Variants in NDUFAF6 observed in about 807,000 individuals in gnomAD.
NDUFAF6 encodes NADH:ubiquinone oxidoreductase complex assembly factor 6, also known as NADH dehydrogenase (ubiquinone) complex I, assembly factor 6.
NDUFAF6 carries 45 observed loss-of-function variants against 40.8 expected under a neutral mutation model. The observed-to-expected ratio is 1.10, with a 90% CI of 0.87 to 1.42. The LOEUF (loss-of-function observed/expected upper bound fraction) is 1.42, where lower values mean the gene tolerates loss of function less well. Ranked by LOEUF, NDUFAF6 falls within the 40% of genes most tolerant of loss-of-function variation. The pLI, the probability that NDUFAF6 is intolerant of heterozygous loss-of-function variation, is 0.00. For synonymous variants in NDUFAF6, 185 were observed against 155.9 expected (o/e 1.19, Z -1.39); for missense variants, 435 against 418.5 (o/e 1.04, Z -0.34).
At chr8:94,937,393 A>G (rs990939367) in intron 1 of NDUFAF6, among the ~76,000 whole-genome samples, 2 of 150,346 alleles carry the variant, frequency 1.3e-5, no homozygotes, top group African/African-American at 4.9e-5. Context: ...CTGAGCCAAG[A>G]TCCTGCCACT....
At chr8:94,941,612 A>G (rs1821542277) in intron 1 of NDUFAF6, among the ~76,000 whole-genome samples, 1 of 152,204 alleles carries the variant, frequency 6.6e-6, no homozygotes, top group African/African-American at 2.4e-5. Flanking sequence ...CTTCTAAACA[A>G]TTCCTACAGC....
At chr8:94,960,913 C>T (rs1475113244) in intron 1 of NDUFAF6, among the ~76,000 whole-genome samples, 1 of 152,232 alleles carries the variant, frequency 6.6e-6, no homozygotes, top group Admixed American at 6.5e-5. Flanking sequence ...AACACGTCAG[C>T]TACATAAACT....
chr8:94,931,323 CTT>C (rs958726409), intron 1 of NDUFAF6, among the ~76,000 whole-genome samples: 8 of 152,260 alleles, frequency 5.3e-5, no homozygotes, highest in Non-Finnish European at 7.4e-5. Context: ...GAATAAATCT[CTT>C]AAGTTTTTCT....
In NDUFAF6 at chr8:95,081,695, A is replaced by G. The variant is rs547329531; in HGVS notation, n.213+5943A>G. ...ACTACATTTCAGTGAGAGTCTAGTA[A>G]AAAGAAAAGCATAATGTTTTTCCCA... On this transcript the variant is annotated intron_variant and non_coding_transcript_variant, in intron 2 of 5. Coordinates refer to the NDUFAF6 transcript ENST00000523184. Among the ~76,000 whole-genome samples, 202 of 152,362 alleles carry G rather than the reference A, an allele frequency of 1.3e-3. No homozygotes were observed. The Middle Eastern group carries it at 0.031, about 23-fold the overall frequency.
At chr8:95,060,311 G>A (rs914502493), downstream of NDUFAF6, among the ~76,000 whole-genome samples, 2 of 152,160 alleles carry the variant, frequency 1.3e-5, no homozygotes, top group African/African-American at 4.8e-5. Flanking sequence ...TATTTTAAAG[G>A]AGTCAGATAC....
chr8:94,925,549 CT>C lies in NDUFAF6; in HGVS notation c.-935-19915del, dbSNP rs1287916481. ...CCTCATTTTAGGTTAAAAAGAAATCCTTTTTTTTTTTTTTTTTTTGAGACAG... is the reference window on the plus strand; with the variant it reads ...CCTCATTTTAGGTTAAAAAGAAATCCTTTTTTTTTTTTTTTTTTGAGACAG... On this transcript the variant is annotated intron_variant, in intron 1 of 14. Transcript: ENST00000396113. 6.5e-3 allele frequency among the ~76,000 whole-genome samples: 877 copies of C among 135,386 alleles called. 7 individuals are homozygous for C. The highest frequency in any genetic ancestry group is 0.046 in the East Asian group (222 of 4,868). The allele number at this position is 135,386 out of a possible 152,430, so 88.8% of individuals were successfully genotyped here.
chr8:94,948,627 G>C (rs896853), intron 2 of NDUFAF6, among the ~76,000 whole-genome samples: 75,009 of 151,988 alleles, frequency 0.49, 19,079 homozygotes, highest in East Asian at 0.72. Flanking sequence ...ATCGCAGGGC[G>C]GGGACAGAGC....
In NDUFAF6 at chr8:95,089,261, T is replaced by C. The variant is rs2132061600; in HGVS notation, n.214-11871T>C. Among the ~76,000 whole-genome samples, 3 of 152,114 alleles carry C rather than the reference T, an allele frequency of 2.0e-5. 1 individual carries two copies. The highest frequency in any genetic ancestry group is 3.4e-3 in the Middle Eastern group (1 of 294). ...TTTTTGTGGAGAAGGGGTTTCGCCA[T>C]GTTGCCCAGGCTGGTCTTGAACTCA... On this transcript the variant is annotated intron_variant and non_coding_transcript_variant, in intron 2 of 5. Transcript: ENST00000523184.
At chr8:94,912,077 A>C (rs1236210455) in intron 1 of NDUFAF6, among the ~76,000 whole-genome samples, 36 of 152,236 alleles carry the variant, frequency 2.4e-4, no homozygotes, top group Non-Finnish European at 1.5e-5. Context: ...GATATGATTA[A>C]ACTCCCTCAG....
chr8:94,945,534 G>A (rs1821909621), exon 2 of NDUFAF6: 1 of 152,152 alleles, frequency 6.6e-6, no homozygotes, highest in South Asian at 2.1e-4. Context: ...ATGACCCAGA[G>A]ACTGTCCCTG....
intron 1 of NDUFAF6, among the ~76,000 whole-genome samples, chr8:94,899,803 T>C (rs757421592): frequency 9.2e-5 from 14 of 152,348 alleles, no homozygotes; most frequent in Admixed American, 2.6e-4. Context: ...TTCCAACCTG[T>C]TGCCAAACTG....
At chr8:95,016,300 T>G (rs1298121690) in intron 2 of NDUFAF6, among the ~76,000 whole-genome samples, 1 of 152,222 alleles carries the variant, frequency 6.6e-6, no homozygotes, top group African/African-American at 2.4e-5. Flanking sequence ...CTGCATGGTA[T>G]GAAAAAGAGG....
intron 1 of NDUFAF6, among the ~76,000 whole-genome samples, chr8:94,914,500 G>A (rs186290379): frequency 1.3e-5 from 2 of 152,296 alleles, no homozygotes; most frequent in East Asian, 3.9e-4. Context: ...GCCAACAATA[G>A]TGGCACACCC....
intron 2 of NDUFAF6, among the ~76,000 whole-genome samples, chr8:94,999,717 C>T (rs929083763): frequency 3.3e-5 from 5 of 152,132 alleles, no homozygotes; most frequent in Middle Eastern, 3.2e-3. Flanking sequence ...ACACCGGGCC[C>T]ATTCTATTTA....
intron 2 of NDUFAF6, among the ~76,000 whole-genome samples, chr8:94,946,862 G>A (rs1822063510): frequency 6.6e-6 from 1 of 152,106 alleles, no homozygotes; most frequent in East Asian, 1.9e-4. Context: ...CAGTGCCAGT[G>A]TAAGGATTAA....
At chr8:94,985,243 T>C (rs767255183) in intron 2 of NDUFAF6, among the ~76,000 whole-genome samples, 2 of 151,514 alleles carry the variant, frequency 1.3e-5, no homozygotes, top group Non-Finnish European at 2.9e-5. Flanking sequence ...CCTGTAACCA[T>C]GAGGAAAAGC....
At chr8:94,917,905 A>C (rs1819243602) in intron 1 of NDUFAF6, among the ~76,000 whole-genome samples, 1 of 152,220 alleles carries the variant, frequency 6.6e-6, no homozygotes, top group Admixed American at 6.5e-5. Flanking sequence ...TCTTACGTGC[A>C]AGAATATTAG....
rs1042332173 is a variant in NDUFAF6 at position 95,058,475 on chromosome 8, A to C, written c.*538A>C. 2.4e-6 allele frequency: 3 copies of C among 1,229,444 alleles called. No homozygotes were observed. The highest frequency in any genetic ancestry group is 4.2e-5 in the South Asian group (1 of 23,680). 76.2% of individuals were successfully genotyped at this position (1,229,444 alleles called of 1,614,324 possible). On this transcript the variant is annotated 3_prime_UTR_variant, in exon 9 of 9. Coordinates refer to ENST00000396124, the MANE Select transcript of NDUFAF6 (RefSeq NM_152416.4). ...TTTAATTTTTACAATCTTGTGTAAA[A>C]ATTTATCCATGATAATAACATAACT...
upstream of NDUFAF6, among the ~76,000 whole-genome samples, chr8:94,957,827 G>A (rs1289800855): frequency 6.6e-6 from 1 of 152,166 alleles, no homozygotes; most frequent in African/African-American, 2.4e-5. Flanking sequence ...CTCTTTGTTT[G>A]GGGTTAAATG....
Sources: allele counts gnomAD v4.1 joint callset (sites outside exome capture counted in the v4.1 genomes callset), GRCh38; gene constraint gnomAD v4.1.1; transcripts MANE v1.5; gene names NCBI Gene and HGNC (gene_info 2026-07-23, HGNC 2026-07-21).